Variants in DYSF observed in about 807,000 individuals in gnomAD.
DYSF encodes the protein dysferlin.
In DYSF, 212 loss-of-function variants were observed where a neutral mutation model predicts 274.9. That is an observed-to-expected ratio of 0.77 (90% CI 0.69 to 0.86). The LOEUF (loss-of-function observed/expected upper bound fraction) is 0.86, where lower values mean the gene tolerates loss of function less well. Among genes scored for constraint, DYSF ranks in the 40% least tolerant of loss-of-function variants. The probability of loss-of-function intolerance (pLI) is 0.00; values close to 1 mark genes in which losing one functional copy is unlikely to be tolerated. For synonymous variants in DYSF, 1,091 were observed against 1,078.7 expected (o/e 1.01, Z -0.22); for missense variants, 2,666 against 2,783.2 (o/e 0.96, Z 0.95).
At chr2:71,647,832 C>T (rs1024984520) in intron 42 of DYSF, among the ~76,000 whole-genome samples, 3 of 152,124 alleles carry the variant, frequency 2.0e-5, no homozygotes, top group Admixed American at 6.5e-5. Context: ...ATAATAGTTT[C>T]AAAATACAGT....
chr2:71,528,564 C>G (rs983718918), intron 14 of DYSF, among the ~76,000 whole-genome samples, 163 bp downstream of exon 14: 5 of 152,142 alleles, frequency 3.3e-5, no homozygotes, highest in African/African-American at 1.2e-4. Context: ...ATAGGCCCAG[C>G]TCTCAGGGAC....
At chr2:71,522,385 A>T (rs188816539) in intron 12 of DYSF, among the ~76,000 whole-genome samples, 1 of 151,618 alleles carries the variant, frequency 6.6e-6, no homozygotes, top group Non-Finnish European at 1.5e-5. Context: ...ATAGCTTAGG[A>T]GCTCTCCTCT....
intron 21 of DYSF, among the ~76,000 whole-genome samples, chr2:71,555,205 A>G (rs767821090): frequency 8.5e-5 from 13 of 152,318 alleles, no homozygotes; most frequent in Non-Finnish European, 1.6e-4. Context: ...ATATAGCTCC[A>G]GTATCTGCCT....
intron 30 of DYSF, among the ~76,000 whole-genome samples, chr2:71,584,498 A>G (rs2092999214): frequency 1.3e-5 from 2 of 151,990 alleles, no homozygotes; most frequent in Admixed American, 6.6e-5. Context: ...TTCCATAGTA[A>G]CATCAGACCC....
At position 71,569,946 on chromosome 2, in the gene DYSF, A is replaced by C; in HGVS notation, c.2979+12A>C. The C allele has an allele frequency of 6.2e-7, 1 of 1,611,342 alleles. No individual in the cohort carries two copies. The highest frequency in any genetic ancestry group is 8.5e-7 in the Non-Finnish European group (1 of 1,177,920). On this transcript the variant is annotated intron_variant, in intron 27 of 55. Transcript: ENST00000410020. ...ACTACACCGATGTGGTAAAGCAGGC[A>C]CTCAGGGGCAGGTGGGGTCTAGACA...
intron 55 of DYSF, among the ~76,000 whole-genome samples, chr2:71,686,075 A>G (rs368770165): frequency 7.2e-5 from 11 of 152,194 alleles, no homozygotes; most frequent in African/African-American, 2.4e-4. Context: ...GGAAGAGGCC[A>G]GGTCCAGGGT....
Position 71,611,569 on chromosome 2 carries a change from C to G in DYSF, c.4164C>G (p.Val1388=), listed in dbSNP as rs2152875382. Residue 1388 remains valine (V), a synonymous_variant, in exon 38 of 56, where the codon GTC becomes GTG. Coordinates refer to ENST00000410020, the MANE Select transcript of DYSF (RefSeq NM_001130987.2). ...ECGGQTVQSC[V]IRNLRKNPNF... Reference sequence around the variant, plus strand: ...GGGGCCAGACGGTGCAGTCCTGTGTCATCAGGAACCTCCGGAAGAACCCCA... The same window carrying G: ...GGGGCCAGACGGTGCAGTCCTGTGTGATCAGGAACCTCCGGAAGAACCCCA... 2 of 1,614,174 alleles carry G rather than the reference C, an allele frequency of 1.2e-6. No individual in the cohort carries two copies. The highest frequency in any genetic ancestry group is 1.7e-6 in the Non-Finnish European group (2 of 1,180,036).
intron 27 of DYSF, 53 bp downstream of exon 27, chr2:71,569,987 C>A: frequency 6.6e-7 from 1 of 1,507,700 alleles, no homozygotes; most frequent in Non-Finnish European, 9.2e-7. Context: ...TCTCTGGAGG[C>A]ACCTGGTGCT....
At chr2:71,679,378 C>T in intron 53 of DYSF, 143 bp downstream of exon 53, 1 of 854,860 alleles carries the variant, frequency 1.2e-6, no homozygotes, top group Non-Finnish European at 1.8e-6. Context: ...CCCCCTCTCT[C>T]TCTATTTTCC....
chr2:71,597,533 G>A (rs763183326), intron 32 of DYSF, among the ~76,000 whole-genome samples: 4 of 152,154 alleles, frequency 2.6e-5, no homozygotes, highest in Non-Finnish European at 5.9e-5. Flanking sequence ...CCCCGGCCCT[G>A]CTGAATCCGA....
intron 3 of DYSF, among the ~76,000 whole-genome samples, chr2:71,496,445 G>C (rs559521222): frequency 6.6e-6 from 1 of 152,310 alleles, no homozygotes; most frequent in South Asian, 2.1e-4. Flanking sequence ...GTTTCCAAGG[G>C]AAGGAATGGG....
chr2:71,526,411 T>TGGGGGGGG, intron 13 of DYSF, 65 bp downstream of exon 13: 22 of 306,744 alleles, frequency 7.2e-5, no homozygotes, highest in African/African-American at 1.9e-4. Flanking sequence ...CTGGTGGGGG[T>TGGGGGGGG]GGGCGATGGC....
intron 30 of DYSF, among the ~76,000 whole-genome samples, chr2:71,577,779 C>T (rs1019592106): frequency 3.3e-5 from 5 of 152,154 alleles, no homozygotes; most frequent in African/African-American, 7.2e-5. Context: ...GTCTTTGTCC[C>T]GGGATGTCCT....
intron 4 of DYSF, 127 bp from the exon 5 acceptor site, chr2:71,511,680 C>T: frequency 1.4e-6 from 1 of 734,390 alleles, no homozygotes. Context: ...GCCACAGCCT[C>T]CTGCAAACCT....
intron 24 of DYSF, among the ~76,000 whole-genome samples, chr2:71,565,084 AC>A (rs889433537): frequency 3.4e-5 from 5 of 146,014 alleles, no homozygotes; most frequent in African/African-American, 1.0e-4. Flanking sequence ...CCTGCTCCTT[AC>A]CTTTTTTTTT....
intron 14 of DYSF, among the ~76,000 whole-genome samples, chr2:71,533,109 TC>T (rs1239530173): frequency 6.6e-6 from 1 of 152,200 alleles, no homozygotes; most frequent in African/African-American, 2.4e-5. Flanking sequence ...AGCCTCTGCC[TC>T]CTGGATTCAG....
intron 4 of DYSF, among the ~76,000 whole-genome samples, chr2:71,509,178 G>C (rs1373292948): frequency 6.6e-6 from 1 of 151,034 alleles, no homozygotes; most frequent in South Asian, 2.1e-4. Flanking sequence ...TTTTGTTTTT[G>C]TTTTGAGACT....
At chr2:71,664,086 C>T (rs1426537407) in intron 45 of DYSF, among the ~76,000 whole-genome samples, 182 bp from the exon 46 acceptor site, 2 of 152,196 alleles carry the variant, frequency 1.3e-5, no homozygotes, top group Non-Finnish European at 2.9e-5. Context: ...AGTCCTGTCC[C>T]CCTTCCCCCT....
In DYSF at chr2:71,535,055, C is replaced by G; in HGVS notation, c.1415C>G (p.Pro472Arg). The G allele has an allele frequency of 1.2e-6, 2 of 1,614,188 alleles. No individual in the cohort carries two copies. Among genetic ancestry groups the G allele is most frequent in the Non-Finnish European group, 1.7e-6 (2 of 1,180,024 alleles). Reference protein sequence around the residue: ...CSKILEKTANPQWNQNITLPA... With the variant: ...CSKILEKTANRQWNQNITLPA... Reference sequence around the variant, plus strand: ...AAGATCTTGGAGAAGACGGCCAACCCTCAGTGGAACCAGAACATCACACTG... The same window carrying G: ...AAGATCTTGGAGAAGACGGCCAACCGTCAGTGGAACCAGAACATCACACTG... Residue 472 changes from proline (P) to arginine (R), a missense_variant, in exon 15 of 56, where the codon CCT (proline) becomes CGT (arginine). By Grantham distance (103) the Pro-to-Arg change is moderately radical (BLOSUM62 -2). Coordinates refer to ENST00000410020, the MANE Select transcript of DYSF (RefSeq NM_001130987.2).
Sources: gnomAD v4.1 joint callset for allele counts (sites outside exome capture counted in the v4.1 genomes callset) on GRCh38, gnomAD v4.1.1 for gene constraint, MANE v1.5 for transcripts, NCBI Gene and HGNC (gene_info 2026-07-23, HGNC 2026-07-21) for gene names.